The following CHIC1 variants were observed in gnomAD, a reference collection of about 807,000 sequenced individuals.
CHIC1 encodes the protein cysteine-rich hydrophobic domain-containing protein 1.
A neutral mutation model predicts 18.5 loss-of-function variants in CHIC1; 7 were observed. The ratio of observed to expected loss-of-function variants is 0.38; its 90% CI spans 0.22 to 0.71. CHIC1 has a LOEUF of 0.71. Among genes scored for constraint, CHIC1 ranks in the 30% least tolerant of loss-of-function variants. CHIC1 has a pLI of 0.49. For missense variants in CHIC1, 159 were observed against 176.9 expected, an observed-to-expected ratio of 0.90 and a Z score of 0.57; for synonymous variants, 77 against 73.5, an observed-to-expected ratio of 1.05 and a Z score of -0.25.
At chrX:73,617,828 C>G (rs926435044) in intron 3 of CHIC1, among the ~76,000 whole-genome samples, 1 of 111,630 alleles carries the variant, frequency 9.0e-6, no homozygotes, top group Non-Finnish European at 1.9e-5. Context: ...GGGACACAGC[C>G]AAACCATATC....
chrX:73,568,155 C>T (rs1452444244), intron 1 of CHIC1, among the ~76,000 whole-genome samples: 1 of 111,458 alleles, frequency 9.0e-6, no homozygotes, highest in African/African-American at 3.3e-5. Flanking sequence ...TGGATGTGTA[C>T]GAATACAACA....
chrX:73,665,271 C>G (rs1203138425), intron 3 of CHIC1, among the ~76,000 whole-genome samples: 1 of 110,819 alleles, frequency 9.0e-6, no homozygotes, highest in Non-Finnish European at 1.9e-5. Flanking sequence ...TCTTCCCTCC[C>G]CCTTTTAGGC....
chrX:73,647,968 A>C (rs953969924), intron 3 of CHIC1, among the ~76,000 whole-genome samples: 13 of 111,654 alleles, frequency 1.2e-4, no homozygotes, highest in Non-Finnish European at 2.3e-4. Context: ...TTCTACTGAC[A>C]TCAGGTCAAT....
chrX:73,618,825 A>G (rs2057745509), intron 3 of CHIC1, among the ~76,000 whole-genome samples: 1 of 112,282 alleles, frequency 8.9e-6, no homozygotes, highest in Admixed American at 9.4e-5. Flanking sequence ...AATTCACACT[A>G]GGTCGATTTT....
chrX:73,612,270 AATAG>A (rs2147576646), intron 3 of CHIC1, among the ~76,000 whole-genome samples: 1 of 111,732 alleles, frequency 8.9e-6, no homozygotes, highest in South Asian at 3.7e-4. Flanking sequence ...CTTTTTGTTT[AATAG>A]ATCTCTTGTA....
chrX:73,683,956 C>G lies in CHIC1; in HGVS notation c.*2951C>G, dbSNP rs1386496948. 8.9e-6 allele frequency: 1 copy of G among 111,913 alleles called. No homozygotes were observed. The highest frequency in any genetic ancestry group is 3.7e-4 in the South Asian group (1 of 2,721). 9.2% of individuals were successfully genotyped at this position (111,913 alleles called of 1,213,427 possible). A position where few individuals can be genotyped will look rare whatever the true frequency, so the allele number is the denominator to read the frequency against. On this transcript the variant is annotated 3_prime_UTR_variant, in exon 6 of 6. Coordinates refer to ENST00000373502, the MANE Select transcript of CHIC1 (RefSeq NM_001039840.4). Reference sequence around the variant, plus strand: ...TAGGAAAGAGACCACTGTAGTAAAACTTTAGAAGAAGATGGAGAAGTGCCT... The same window carrying G: ...TAGGAAAGAGACCACTGTAGTAAAAGTTTAGAAGAAGATGGAGAAGTGCCT...
chrX:73,638,267 T>C (rs1460490331), intron 3 of CHIC1, among the ~76,000 whole-genome samples: 1 of 111,793 alleles, frequency 8.9e-6, no homozygotes, highest in Non-Finnish European at 1.9e-5. Context: ...CTGCAGTGTT[T>C]ATCAGGAGTG....
At chrX:73,567,650 C>T (rs1279302668) in intron 1 of CHIC1, among the ~76,000 whole-genome samples, 2 of 111,124 alleles carry the variant, frequency 1.8e-5, no homozygotes, top group African/African-American at 6.5e-5. Context: ...ACCACTTTTC[C>T]TACTTAAGAT....
chrX:73,605,697 G>C (rs2057679193), intron 3 of CHIC1, among the ~76,000 whole-genome samples: 1 of 108,556 alleles, frequency 9.2e-6, no homozygotes, highest in Non-Finnish European at 1.9e-5. Context: ...GGTGATGACA[G>C]AATCTCTCGG....
chrX:73,674,908 G>A (rs769421240), intron 3 of CHIC1, among the ~76,000 whole-genome samples: 1 of 111,799 alleles, frequency 8.9e-6, no homozygotes, highest in East Asian at 2.8e-4. Flanking sequence ...TGCTTTGAAT[G>A]TGTCCCAGAG....
chrX:73,593,572 A>G (rs191004741), intron 3 of CHIC1, among the ~76,000 whole-genome samples: 13 of 111,863 alleles, frequency 1.2e-4, no homozygotes, highest in Admixed American at 3.8e-4. Flanking sequence ...TGGTCTATCT[A>G]CATAATTCCC....
At chrX:73,593,839 T>C (rs2057593471) in intron 3 of CHIC1, among the ~76,000 whole-genome samples, 1 of 111,725 alleles carries the variant, frequency 9.0e-6, no homozygotes, top group South Asian at 3.7e-4. Flanking sequence ...TGGATTGGAC[T>C]TCAACTTTCT....
In CHIC1 at chrX:73,661,653, C is replaced by T. The variant is rs1001838978; in HGVS notation, c.508-17673C>T. ...GCTGAAGTCGAAGAAAAAGTGCACA[C>T]AGGGTGGGCTCCAGAGTGGACTTCA... On this transcript the variant is annotated intron_variant, in intron 3 of 5. Transcript: ENST00000373502. Among the ~76,000 whole-genome samples the T allele has an allele frequency of 4.5e-5, 5 of 111,596 alleles. No individual in the cohort carries two copies. The Admixed American group carries it at 4.8e-4, about 11-fold the overall frequency.
intron 2 of CHIC1, among the ~76,000 whole-genome samples, chrX:73,582,672 A>T: frequency 9.1e-6 from 1 of 110,363 alleles, no homozygotes. Context: ...CTTCTCAGAG[A>T]CATGATTTAT....
At chrX:73,664,889 G>T (rs1026078624) in intron 3 of CHIC1, among the ~76,000 whole-genome samples, 2 of 112,088 alleles carry the variant, frequency 1.8e-5, no homozygotes, top group African/African-American at 6.5e-5. Context: ...GGGCTCCAAA[G>T]TTGTTTTAGT....
At chrX:73,647,084 C>T (rs1418561504) in intron 3 of CHIC1, among the ~76,000 whole-genome samples, 1 of 111,688 alleles carries the variant, frequency 9.0e-6, no homozygotes, top group East Asian at 2.8e-4. Flanking sequence ...GTCTTTGGTG[C>T]CTTCATTGAA....
At position 73,600,091 on chromosome X, in the gene CHIC1, A is replaced by G. The variant is rs1401564203; in HGVS notation, c.507+15519A>G. ...TTCCTAGGTGTTTTATTCTCTTTGAAGCAATTGTGAATGGGAGTTCACTCA... is the reference window on the plus strand; with the variant it reads ...TTCCTAGGTGTTTTATTCTCTTTGAGGCAATTGTGAATGGGAGTTCACTCA... On this transcript the variant is annotated intron_variant, in intron 3 of 5. Coordinates refer to ENST00000373502, the MANE Select transcript of CHIC1 (RefSeq NM_001039840.4). 1.1e-4 allele frequency among the ~76,000 whole-genome samples: 11 copies of G among 101,800 alleles called. 1 individual carries two copies. The South Asian group carries it at 4.7e-3, about 43-fold the overall frequency. The allele number at this position is 101,800 out of a possible 115,157, so 88.4% of individuals were successfully genotyped here.
chrX:73,583,175 A>G (rs932221047), intron 2 of CHIC1, among the ~76,000 whole-genome samples: 3 of 111,168 alleles, frequency 2.7e-5, no homozygotes, highest in Non-Finnish European at 5.7e-5. Flanking sequence ...AATCAGATTC[A>G]TGGGCTAAGC....
rs958664808 is a variant in CHIC1, at chrX:73,615,027, T to C, written c.507+30455T>C. On this transcript the variant is annotated intron_variant, in intron 3 of 5. Transcript: ENST00000373502. ...CTTCCAAATTTTCAAATTTGCTTTT[T>C]AGGGGAGGACTTTTTTAAGAAAATG... Among the ~76,000 whole-genome samples the C allele has an allele frequency of 3.6e-5, 4 of 111,480 alleles. No individual in the cohort carries two copies. In the Admixed American group the frequency reaches 3.8e-4, roughly 11 times the overall value.
Sources: allele counts gnomAD v4.1 joint callset (sites outside exome capture counted in the v4.1 genomes callset), GRCh38; gene constraint gnomAD v4.1.1; transcripts MANE v1.5; gene names NCBI Gene and HGNC (gene_info 2026-07-23, HGNC 2026-07-21).